XPO6: variants seen among roughly 807,000 people sequenced by gnomAD.
XPO6 encodes the protein exportin-6.
XPO6 carries 3 observed loss-of-function variants against 130.0 expected under a neutral mutation model. The observed-to-expected ratio is 0.02, with a 90% CI of 0.01 to 0.06. The LOEUF is 0.06. XPO6 is among the 10% of genes least tolerant of loss of function. XPO6 has a pLI of 1.00. For missense variants in XPO6, 970 were observed against 1,393.0 expected, an observed-to-expected ratio of 0.70 and a Z score of 4.83; for synonymous variants, 524 against 548.9, an observed-to-expected ratio of 0.95 and a Z score of 0.63.
chr16:28,184,733 AAGAT>A (rs1228260483), intron 1 of XPO6, among the ~76,000 whole-genome samples: 1 of 152,218 alleles, frequency 6.6e-6, no homozygotes, highest in African/African-American at 2.4e-5. Context: ...AATTTAAAAT[AAGAT>A]AGTGCTACAC....
At chr16:28,196,101 G>A (rs1045380337) in intron 1 of XPO6, among the ~76,000 whole-genome samples, 1 of 152,020 alleles carries the variant, frequency 6.6e-6, no homozygotes, top group African/African-American at 2.4e-5. Flanking sequence ...TCTATTTTAG[G>A]TTCCATCCTA....
chr16:28,133,134 G>C (rs558174242), intron 11 of XPO6, among the ~76,000 whole-genome samples: 1 of 152,176 alleles, frequency 6.6e-6, no homozygotes, highest in African/African-American at 2.4e-5. Context: ...TCAGGAGATC[G>C]AGACCATCCT....
At position 28,106,988 on chromosome 16, in the gene XPO6, C is replaced by A. The variant is rs1293820728; in HGVS notation, c.2498-491G>T. Among the ~76,000 whole-genome samples the A allele has an allele frequency of 6.6e-6, 1 of 152,234 alleles. No homozygotes were observed. The highest frequency in any genetic ancestry group is 6.5e-5 in the Admixed American group (1 of 15,284). ...GATTAATTGCAGAAAATACTGGTTACATATAGGGCAGTTTCACTTCCAGAT... is the reference window on the plus strand; with the variant it reads ...GATTAATTGCAGAAAATACTGGTTAAATATAGGGCAGTTTCACTTCCAGAT... On this transcript the variant is annotated intron_variant, in intron 18 of 23. Transcript: ENST00000304658. The surrounding 1 kb of genome is among the most constrained non-coding windows in gnomAD (Gnocchi z 4.2).
At chr16:28,145,408 C>T (rs2042966004) in intron 9 of XPO6, among the ~76,000 whole-genome samples, 1 of 152,152 alleles carries the variant, frequency 6.6e-6, no homozygotes, top group Admixed American at 6.5e-5. Flanking sequence ...GAAATATACT[C>T]TCTTCCTGCA....
chr16:28,121,908 C>A, intron 13 of XPO6, 146 bp from the exon 14 acceptor site: 2 of 597,792 alleles, frequency 3.3e-6, no homozygotes, highest in Non-Finnish European at 3.0e-6. Context: ...AATTTTATGC[C>A]AAGGAAATAA....
intron 2 of XPO6, chr16:28,179,065 C>CCA (rs1555530209): frequency 7.0e-6 from 1 of 141,998 alleles, no homozygotes; most frequent in Non-Finnish European, 1.5e-5. Context: ...GGCACCATTT[C>CCA]AAAAAAAAAA....
At chr16:28,178,260 G>T (rs1388872927) in intron 2 of XPO6, among the ~76,000 whole-genome samples, 1 of 152,038 alleles carries the variant, frequency 6.6e-6, no homozygotes, top group Non-Finnish European at 1.5e-5. Flanking sequence ...ATGCAACGAC[G>T]CAGTCTCATT....
At chr16:28,190,055 G>A (rs555350344) in intron 1 of XPO6, among the ~76,000 whole-genome samples, 1 of 152,286 alleles carries the variant, frequency 6.6e-6, no homozygotes, top group East Asian at 1.9e-4. Context: ...TGATAACATG[G>A]AAGCAGCATA....
rs377258355 is a variant in XPO6, at chr16:28,117,380, G to C, written c.1942C>G (p.Gln648Glu). 8.1e-5 allele frequency: 131 copies of C among 1,614,228 alleles called. No homozygotes were observed. The African/African-American group carries it at 1.6e-3, about 20-fold the overall frequency. Residue 648 changes from glutamine (Q) to glutamate (E), a missense_variant, in exon 15 of 24, where the codon CAG becomes GAG. Physicochemically the swap from Gln to Glu is conservative, Grantham distance 29. Coordinates refer to ENST00000304658, the MANE Select transcript of XPO6 (RefSeq NM_015171.4). ...GTAGAGATGAGTGTCACGAACTGCT[G>C]CGTGTTCTGCCGGTGAACTTCACTG... ...YCSEVHRQNT[Q>E]QFVTLISTTM...
At chr16:28,194,693 C>A (rs1053737941) in intron 1 of XPO6, among the ~76,000 whole-genome samples, 1 of 151,974 alleles carries the variant, frequency 6.6e-6, no homozygotes, top group Non-Finnish European at 1.5e-5. Flanking sequence ...GAAAGTTTTT[C>A]GGGGGTAAAA....
intron 1 of XPO6, chr16:28,183,449 A>C (rs972685511): frequency 4.9e-5 from 6 of 122,710 alleles, no homozygotes; most frequent in African/African-American, 1.5e-4. Context: ...AAAAAAAAAA[A>C]CCCAGATGCA....
chr16:28,111,125 T>A (rs926432644), intron 17 of XPO6: 5 of 152,270 alleles, frequency 3.3e-5, no homozygotes, highest in Non-Finnish European at 4.4e-5. Flanking sequence ...AGTAGTGTTT[T>A]TTAAAGAGTA....
At chr16:28,207,251 A>AG (rs1028756931) in intron 1 of XPO6, among the ~76,000 whole-genome samples, 4 of 150,732 alleles carry the variant, frequency 2.7e-5, no homozygotes, top group African/African-American at 9.8e-5. Context: ...CCATCTCAAA[A>AG]AAAAAAAAGG....
chr16:28,128,735 A>T (rs925811360), intron 12 of XPO6, among the ~76,000 whole-genome samples: 1 of 152,108 alleles, frequency 6.6e-6, no homozygotes, highest in Non-Finnish European at 1.5e-5. Flanking sequence ...GCTGAATGCT[A>T]GGGAGCTCAA....
At chr16:28,134,067 A>C in intron 10 of XPO6, 134 bp from the exon 11 acceptor site, 3 of 777,402 alleles carry the variant, frequency 3.9e-6, no homozygotes, top group Non-Finnish European at 6.1e-6. Context: ...TACTATAAAA[A>C]GGCCAAGCTA....
chr16:28,173,730 T>C (rs942969939), intron 4 of XPO6, among the ~76,000 whole-genome samples: 8 of 152,124 alleles, frequency 5.3e-5, no homozygotes, highest in African/African-American at 1.9e-4. Flanking sequence ...ACTGAAGGGG[T>C]TGAAAGCGGG....
intron 6 of XPO6, 90 bp from the exon 7 acceptor site, chr16:28,156,617 TATGTATAC>T: frequency 1.3e-6 from 1 of 769,816 alleles, no homozygotes; most frequent in Non-Finnish European, 1.9e-6. Flanking sequence ...TATATATATA[TATGTATAC>T]ATATATGTAT....
At chr16:28,203,535 C>T (rs1305146869) in intron 1 of XPO6, among the ~76,000 whole-genome samples, 5 of 152,194 alleles carry the variant, frequency 3.3e-5, no homozygotes, top group Non-Finnish European at 5.9e-5. Flanking sequence ...AACTGCTCAC[C>T]TACCTACAGA....
chr16:28,211,324 G>T, intron 1 of XPO6, 42 bp downstream of exon 1: 1 of 1,311,176 alleles, frequency 7.6e-7, no homozygotes, highest in East Asian at 2.8e-5. Flanking sequence ...CACCCTTCCG[G>T]TAGGGCACCC....
Sources: allele counts gnomAD v4.1 joint callset (sites outside exome capture counted in the v4.1 genomes callset), GRCh38; gene constraint gnomAD v4.1.1; non-coding constraint Gnocchi (gnomAD v3.1); transcripts MANE v1.5; gene names NCBI Gene and HGNC (gene_info 2026-07-23, HGNC 2026-07-21).